SYNE2: variants seen among roughly 807,000 people sequenced by gnomAD.
The protein encoded by SYNE2 is spectrin repeat containing nuclear envelope protein 2.
A neutral mutation model predicts 856.3 loss-of-function variants in SYNE2; 431 were observed. The observed-to-expected ratio is 0.50, with a 90% confidence interval of 0.47 to 0.55. SYNE2 has a LOEUF of 0.55. Among genes scored for constraint, SYNE2 ranks in the 20% least tolerant of loss-of-function variants. The probability of loss-of-function intolerance (pLI) is 0.00; values close to 1 mark genes in which losing one functional copy is unlikely to be tolerated. For missense variants in SYNE2, 8,129 were observed against 8,023.2 expected (o/e 1.01, Z -0.50); for synonymous variants, 2,923 against 2,872.3 (o/e 1.02, Z -0.56).
intron 1 of SYNE2, among the ~76,000 whole-genome samples, chr14:63,785,868 G>A (rs1001963474): frequency 6.6e-6 from 1 of 152,140 alleles, no homozygotes; most frequent in Admixed American, 6.6e-5. Flanking sequence ...CATTTTGGGA[G>A]GCCAAGGCAG....
chr14:64,059,332 C>G (rs1211775376), intron 49 of SYNE2, among the ~76,000 whole-genome samples: 3 of 152,148 alleles, frequency 2.0e-5, no homozygotes, highest in East Asian at 3.9e-4. Flanking sequence ...TTCTAAGAGA[C>G]TTGAGTGTTG....
Position 63,993,937 on chromosome 14 carries a change from G to A in SYNE2, c.2749G>A (p.Glu917Lys). 1 of 1,613,646 alleles carries A rather than the reference G, an allele frequency of 6.2e-7. No individual in the cohort carries two copies. Among genetic ancestry groups the A allele is most frequent in the African/African-American group, 1.3e-5 (1 of 74,992 alleles). ...TGAGGACATAAAGATGTCTTTAGAAGAAAAGAGTAGAGATGTCTGTGCCAA... is the reference window on the plus strand; with the variant it reads ...TGAGGACATAAAGATGTCTTTAGAAAAAAAGAGTAGAGATGTCTGTGCCAA... Reference protein sequence around the residue: ...VTEDIKMSLEEKSRDVCAKWE... With the variant: ...VTEDIKMSLEKKSRDVCAKWE... The change falls in exon 22 of 116, where the codon GAA (glutamate) becomes AAA (lysine). Residue 917 changes from glutamate (E) to lysine (K), a missense_variant. Glu to Lys is a moderately conservative substitution (Grantham distance 56, BLOSUM62 1). This residue lies in a region of SYNE2 where 2,422 missense variants were observed against 2,357.4 expected (regional missense o/e 1.03). Coordinates refer to ENST00000555002, the MANE Select transcript of SYNE2 (RefSeq NM_182914.3).
chr14:63,994,773 A>G (rs2096699501), intron 22 of SYNE2, among the ~76,000 whole-genome samples: 1 of 152,058 alleles, frequency 6.6e-6, no homozygotes, highest in Non-Finnish European at 1.5e-5. Context: ...TCTGTTTTGC[A>G]TAGTTTCCCT....
At chr14:64,017,328 C>CAAAAAAAAAAAAAAAAA (rs34399201) in intron 33 of SYNE2, among the ~76,000 whole-genome samples, 2 of 66,580 alleles carry the variant, frequency 3.0e-5, no homozygotes, top group Non-Finnish European at 2.6e-5. Context: ...GACTCCATCT[C>CAAAAAAAAAAAAAAAAA]AAAAAAAAAA....
chr14:64,015,500 T>C (rs531632280), intron 32 of SYNE2, among the ~76,000 whole-genome samples: 1 of 152,248 alleles, frequency 6.6e-6, no homozygotes, highest in Non-Finnish European at 1.5e-5. Context: ...CATTAACTTA[T>C]TATCTGCTTG....
At chr14:63,943,859 C>G (rs2095969640) in intron 6 of SYNE2, among the ~76,000 whole-genome samples, 1 of 151,560 alleles carries the variant, frequency 6.6e-6, no homozygotes, top group African/African-American at 2.4e-5. Context: ...TTAGTAGAGA[C>G]AGGGTTTTTC....
intron 1 of SYNE2, among the ~76,000 whole-genome samples, chr14:63,769,865 C>G (rs887215458): frequency 6.6e-6 from 1 of 151,912 alleles, no homozygotes; most frequent in African/African-American, 2.4e-5. Flanking sequence ...TGTCACTGCA[C>G]TCTAGCCTGG....
At chr14:64,181,008 T>A (rs758618129) in intron 96 of SYNE2, among the ~76,000 whole-genome samples, 7 of 152,210 alleles carry the variant, frequency 4.6e-5, no homozygotes, top group Admixed American at 3.3e-4. Context: ...ATTCCAATAA[T>A]TCGTTTATGT....
At chr14:63,838,214 C>A (rs938779860) in intron 1 of SYNE2, among the ~76,000 whole-genome samples, 3 of 151,976 alleles carry the variant, frequency 2.0e-5, no homozygotes, top group Admixed American at 1.3e-4. Flanking sequence ...ACTAAAAATA[C>A]AAAAATTAGC....
chr14:64,019,915 A>G, intron 34 of SYNE2, 77 bp from the exon 35 acceptor site: 1 of 955,242 alleles, frequency 1.0e-6, no homozygotes, highest in South Asian at 1.4e-5. Flanking sequence ...TTCTATATAT[A>G]AACAGTAGTA....
At chr14:63,870,087 A>G (rs947323949) in intron 1 of SYNE2, among the ~76,000 whole-genome samples, 3 of 152,084 alleles carry the variant, frequency 2.0e-5, no homozygotes, top group Admixed American at 6.6e-5. Flanking sequence ...TTGGTTCCCC[A>G]TTGGCCATGA....
chr14:64,147,201 C>G (rs558146759), intron 84 of SYNE2, among the ~76,000 whole-genome samples: 25 of 152,250 alleles, frequency 1.6e-4, no homozygotes, highest in African/African-American at 6.0e-4. Flanking sequence ...TGACTTACTC[C>G]TTACTGTCTG....
At chr14:63,997,182 A>G in intron 24 of SYNE2, 24 bp downstream of exon 24, 1 of 1,606,502 alleles carries the variant, frequency 6.2e-7, no homozygotes, top group Non-Finnish European at 8.5e-7. Flanking sequence ...AAGAATAGCT[A>G]CCCTTCAGGA....
At chr14:64,209,600 G>C (rs1490528624) in intron 102 of SYNE2, 22 bp downstream of exon 102, 1 of 1,613,142 alleles carries the variant, frequency 6.2e-7, no homozygotes, top group East Asian at 2.2e-5. Context: ...CTCCATCCCG[G>C]TCTCCTGATC....
chr14:63,954,969 A>G (rs2096221941), intron 8 of SYNE2, 54 bp downstream of exon 8: 8 of 1,433,064 alleles, frequency 5.6e-6, no homozygotes, highest in Non-Finnish European at 7.8e-6. Flanking sequence ...CATGAAGTTG[A>G]TTTCAAAATA....
chr14:63,804,433 G>T (rs1024511733), intron 1 of SYNE2, among the ~76,000 whole-genome samples: 1 of 152,002 alleles, frequency 6.6e-6, no homozygotes, highest in Non-Finnish European at 1.5e-5. Flanking sequence ...TCTTGAAATC[G>T]ACGATGACCT....
intron 2 of SYNE2, 141 bp downstream of exon 2, chr14:63,909,368 T>C (rs2095445647): frequency 1.8e-6 from 1 of 549,756 alleles, no homozygotes; most frequent in South Asian, 2.8e-5. Context: ...CCTTTTAATA[T>C]ATTTAAATGT....
intron 106 of SYNE2, 87 bp downstream of exon 106, chr14:64,214,557 C>A: frequency 7.5e-7 from 1 of 1,340,088 alleles, no homozygotes; most frequent in South Asian, 1.3e-5. Flanking sequence ...TCTCAATGAC[C>A]AAGAGTCCAT....
intron 96 of SYNE2, among the ~76,000 whole-genome samples, chr14:64,183,364 C>T (rs1301523642): frequency 8.1e-6 from 1 of 122,782 alleles, no homozygotes; most frequent in Non-Finnish European, 1.7e-5. Flanking sequence ...GATGGGCGGC[C>T]GGGCAGAGAT....
Sources: gnomAD v4.1 joint callset for allele counts (sites outside exome capture counted in the v4.1 genomes callset) on GRCh38, gnomAD v4.1.1 for gene constraint, gnomAD v4.1.1 regional missense constraint, MANE v1.5 for transcripts, NCBI Gene and HGNC (gene_info 2026-07-23, HGNC 2026-07-21) for gene names.